Variants in ZBTB20 observed in about 807,000 individuals in gnomAD.
ZBTB20 encodes the protein zinc finger and BTB domain containing 20.
Under a neutral mutation model 56.9 loss-of-function variants are expected in ZBTB20, and 9 were observed. The observed-to-expected ratio is 0.16, with a 90% CI of 0.10 to 0.28. The LOEUF (loss-of-function observed/expected upper bound fraction) is 0.28, where lower values mean the gene tolerates loss of function less well. ZBTB20 is among the 10% of genes least tolerant of loss of function. The pLI is 1.00. For missense variants in ZBTB20, 655 were observed against 1,003.0 expected, an observed-to-expected ratio of 0.65 and a Z score of 4.69; for synonymous variants, 417 against 420.7, an observed-to-expected ratio of 0.99 and a Z score of 0.11.
rs146216990 is a variant in ZBTB20 at position 114,535,932 on chromosome 3, T to C, written c.-294-35541A>G. On this transcript the variant is annotated intron_variant, in intron 6 of 11. Transcript: ENST00000675478. ...TCTCAATAGATGCAGAAAAGGCCTT[T>C]GATAAAATTCAACACCGCTTTATGC... Among the ~76,000 whole-genome samples the C allele has an allele frequency of 7.2e-3, 1,093 of 152,306 alleles. 7 individuals carry two copies. The highest frequency in any genetic ancestry group is 0.025 in the African/African-American group (1,036 of 41,566).
At chr3:114,705,284 G>A (rs56064055) in intron 5 of ZBTB20, among the ~76,000 whole-genome samples, 1 of 151,678 alleles carries the variant, frequency 6.6e-6, no homozygotes, top group Non-Finnish European at 1.5e-5. Context: ...TCAGCCTGAG[G>A]AAAAAAAATA....
At chr3:114,574,789 C>T (rs2053832398) in intron 6 of ZBTB20, among the ~76,000 whole-genome samples, 1 of 152,178 alleles carries the variant, frequency 6.6e-6, no homozygotes, top group African/African-American at 2.4e-5. Flanking sequence ...GATCAAGAAC[C>T]TATGACAGCT....
chr3:114,834,387 C>A (rs2399510), intron 4 of ZBTB20, among the ~76,000 whole-genome samples: 125,593 of 152,070 alleles, frequency 0.83, 54,336 homozygotes, highest in East Asian at 0.98. Flanking sequence ...TTTACAGTAC[C>A]CAAAGAAGAC....
chr3:114,631,836 A>G (rs1226838957), intron 6 of ZBTB20, among the ~76,000 whole-genome samples: 1 of 152,242 alleles, frequency 6.6e-6, no homozygotes, highest in Non-Finnish European at 1.5e-5. Flanking sequence ...GATCATTGTT[A>G]GAACTAGTTT....
intron 7 of ZBTB20, among the ~76,000 whole-genome samples, chr3:114,450,237 T>G (rs2091521326): frequency 6.6e-6 from 1 of 152,190 alleles, no homozygotes. Context: ...AAACTATGAA[T>G]AAAGTCAGAT....
At chr3:114,365,435 C>T (rs953788258) in intron 10 of ZBTB20, among the ~76,000 whole-genome samples, 1 of 152,084 alleles carries the variant, frequency 6.6e-6, no homozygotes, top group African/African-American at 2.4e-5. Flanking sequence ...GCTCTTGTTT[C>T]CCTGGGCCAG....
chr3:114,506,187 C>A (rs922150453), intron 6 of ZBTB20, among the ~76,000 whole-genome samples: 1 of 152,008 alleles, frequency 6.6e-6, no homozygotes, highest in African/African-American at 2.4e-5. Flanking sequence ...TCAAGAAGAA[C>A]AATAAGAGAA....
intron 3 of ZBTB20, among the ~76,000 whole-genome samples, chr3:114,969,348 T>C (rs1278969324): frequency 6.6e-6 from 1 of 152,112 alleles, no homozygotes; most frequent in Non-Finnish European, 1.5e-5. Flanking sequence ...ATTTAATCAA[T>C]TTACCCATCC....
chr3:114,804,918 A>G (rs945373858), intron 4 of ZBTB20, among the ~76,000 whole-genome samples: 8 of 151,918 alleles, frequency 5.3e-5, no homozygotes, highest in African/African-American at 1.9e-4. Flanking sequence ...ATGTTAAATG[A>G]TTGACTTTTA....
chr3:115,043,392 C>T (rs910865683), intron 2 of ZBTB20, among the ~76,000 whole-genome samples: 2 of 149,400 alleles, frequency 1.3e-5, no homozygotes, highest in Non-Finnish European at 1.5e-5. Context: ...AACCCCATCT[C>T]TACTAAAAAC....
chr3:114,917,124 C>A (rs1484637883), intron 3 of ZBTB20, among the ~76,000 whole-genome samples: 2 of 152,060 alleles, frequency 1.3e-5, no homozygotes, highest in African/African-American at 2.4e-5. Context: ...CTCACTAATT[C>A]TTTCTTCTGT....
chr3:114,599,262 C>T lies in ZBTB20; in HGVS notation c.-295+94266G>A, dbSNP rs556268783. 4 of 152,094 alleles carry T rather than the reference C, an allele frequency of 2.6e-5. No individual in the cohort carries two copies. The East Asian group carries it at 7.7e-4, about 29-fold the overall frequency. 9.4% of individuals were successfully genotyped at this position (152,094 alleles called of 1,614,324 possible). The stretch of plus-strand genomic sequence containing the variant: ...TATAGTATACATACTGAAATAGTTT[C>T]GTGAGGACTCAGAAATGTTCTTCTC... On this transcript the variant is annotated intron_variant, in intron 6 of 11. Transcript: ENST00000675478.
At chr3:114,648,102 G>C (rs759426092) in intron 6 of ZBTB20, among the ~76,000 whole-genome samples, 11 of 151,742 alleles carry the variant, frequency 7.2e-5, no homozygotes, top group Non-Finnish European at 1.3e-4. Flanking sequence ...TTTTACTGTA[G>C]TATAGAATGT....
At chr3:115,069,431 TC>T (rs1218734305) in intron 2 of ZBTB20, among the ~76,000 whole-genome samples, 1 of 152,120 alleles carries the variant, frequency 6.6e-6, no homozygotes, top group African/African-American at 2.4e-5. Flanking sequence ...TCCACACACC[TC>T]CACTAATATG....
chr3:114,996,371 C>T (rs531815328), intron 2 of ZBTB20, among the ~76,000 whole-genome samples: 2 of 151,712 alleles, frequency 1.3e-5, no homozygotes, highest in Admixed American at 6.6e-5. Flanking sequence ...TCCCACCCCC[C>T]AAAAGGCCCT....
chr3:114,632,871 G>A (rs2059037104), intron 6 of ZBTB20, among the ~76,000 whole-genome samples: 2 of 152,190 alleles, frequency 1.3e-5, no homozygotes, highest in African/African-American at 2.4e-5. Context: ...TAATGTCAGG[G>A]TTTCCAAGTG....
chr3:114,844,938 C>T (rs1205699609), intron 4 of ZBTB20, among the ~76,000 whole-genome samples: 2 of 124,732 alleles, frequency 1.6e-5, no homozygotes, highest in African/African-American at 3.0e-5. Flanking sequence ...ATTGAGTTTT[C>T]GAAGTTCTTT....
intron 10 of ZBTB20, among the ~76,000 whole-genome samples, chr3:114,354,587 G>GTTTTTTTTTTTTTTTTT (rs10663657): frequency 7.7e-6 from 1 of 130,138 alleles, no homozygotes; most frequent in Non-Finnish European, 1.6e-5. Context: ...TGTTTTGTTT[G>GTTTTTTTTTTTTTTTTT]TTTTTTTTTT....
chr3:114,492,145 A>G (rs1325974090), intron 7 of ZBTB20, among the ~76,000 whole-genome samples: 5 of 151,972 alleles, frequency 3.3e-5, no homozygotes, highest in Non-Finnish European at 7.4e-5. Context: ...AGAGCTCTTC[A>G]AGTCTCAGTT....
Sources: gnomAD v4.1 joint callset for allele counts (sites outside exome capture counted in the v4.1 genomes callset) on GRCh38, gnomAD v4.1.1 for gene constraint, MANE v1.5 for transcripts, NCBI Gene and HGNC (gene_info 2026-07-23, HGNC 2026-07-21) for gene names.